RAP1GAP2: variants seen among roughly 807,000 people sequenced by gnomAD.
RAP1GAP2 encodes RAP1 GTPase activating protein 2, also known as rap1 GTPase-activating protein 2.
In RAP1GAP2, 27 loss-of-function variants were observed where a neutral mutation model predicts 95.0. That is an observed-to-expected ratio of 0.28 (90% CI 0.21 to 0.39). The LOEUF (loss-of-function observed/expected upper bound fraction) is 0.39, where lower values mean the gene tolerates loss of function less well. RAP1GAP2 is among the 10% of genes least tolerant of loss of function. The pLI is 1.00. For synonymous variants in RAP1GAP2, 373 were observed against 380.9 expected, an observed-to-expected ratio of 0.98 and a Z score of 0.24; for missense variants, 771 against 970.0, an observed-to-expected ratio of 0.79 and a Z score of 2.72.
intron 2 of RAP1GAP2, among the ~76,000 whole-genome samples, chr17:2,818,200 T>C (rs1398600117): frequency 6.6e-6 from 1 of 152,040 alleles, no homozygotes; most frequent in Non-Finnish European, 1.5e-5. Context: ...TAAAGTTAAG[T>C]TCCGGTCATC....
At chr17:2,818,037 T>C (rs1407018428) in intron 2 of RAP1GAP2, among the ~76,000 whole-genome samples, 3 of 151,732 alleles carry the variant, frequency 2.0e-5, no homozygotes, top group Non-Finnish European at 2.9e-5. Context: ...GGGGTTTCAC[T>C]GTGTTAGCCA....
At chr17:3,025,961 G>T (rs1341682107) in intron 19 of RAP1GAP2, 47 bp from the exon 20 acceptor site, 1 of 1,412,616 alleles carries the variant, frequency 7.1e-7, no homozygotes, top group Non-Finnish European at 1.0e-6. Context: ...TGGGGTGGGG[G>T]TTGAGGGCTG....
At position 3,003,234 on chromosome 17, in the gene RAP1GAP2, G is replaced by A. The variant is rs2046223576; in HGVS notation, c.1201-2135G>A. ...TCTTGGTCATTGAGCCATCAGAGCA[G>A]GCGAGAAATTGGCTCCACGGAGTCG... is the stretch of plus-strand genomic sequence containing the variant. On this transcript the variant is annotated intron_variant, in intron 14 of 24. Transcript: ENST00000254695. This position sits in a 1 kb window ranked among gnomAD's most constrained non-coding sequence, Gnocchi z 4.1. 6.6e-6 allele frequency among the ~76,000 whole-genome samples: 1 copy of A among 152,172 alleles called. No individual in the cohort carries two copies. The highest frequency in any genetic ancestry group is 2.1e-4 in the South Asian group (1 of 4,830).
intron 2 of RAP1GAP2, among the ~76,000 whole-genome samples, chr17:2,893,466 A>G (rs1241982566): frequency 6.6e-6 from 1 of 152,250 alleles, no homozygotes; most frequent in Non-Finnish European, 1.5e-5. Flanking sequence ...TCCTAAAGGA[A>G]GTGAGGGTAC....
intron 12 of RAP1GAP2, among the ~76,000 whole-genome samples, chr17:2,994,333 AAG>A (rs2151574927): frequency 6.6e-6 from 1 of 152,264 alleles, no homozygotes; most frequent in East Asian, 1.9e-4. Flanking sequence ...CATTTTCTTA[AAG>A]GAACCTGCAT....
intron 2 of RAP1GAP2, among the ~76,000 whole-genome samples, chr17:2,896,597 G>T (rs2041833133): frequency 1.3e-5 from 2 of 152,222 alleles, no homozygotes; most frequent in African/African-American, 4.8e-5. Context: ...CCAGGGTGAG[G>T]ATTTGCCCAT....
upstream of RAP1GAP2, among the ~76,000 whole-genome samples, chr17:2,792,139 C>G (rs2068941857): frequency 6.6e-6 from 1 of 152,110 alleles, no homozygotes; most frequent in Non-Finnish European, 1.5e-5. Context: ...GGATTACAGG[C>G]GTGAGACAGT....
At chr17:3,016,590 C>G (rs573467229) in intron 17 of RAP1GAP2, among the ~76,000 whole-genome samples, 3 of 152,348 alleles carry the variant, frequency 2.0e-5, no homozygotes, top group Non-Finnish European at 4.4e-5. Context: ...AGGCAGAGGC[C>G]ATGTCCTACA....
rs561298131 is a variant in RAP1GAP2 at position 2,963,572 on chromosome 17, G to A, written c.279+110G>A. On this transcript the variant is annotated intron_variant, in intron 6 of 24. Coordinates refer to ENST00000254695, the MANE Select transcript of RAP1GAP2 (RefSeq NM_015085.5). The surrounding 1 kb of genome is among the most constrained non-coding windows in gnomAD (Gnocchi z 4.8). ...CAGCCCCCCAGGGGAGAGAACCTTG[G>A]GCCTGGGACCTCTCTTCCTGTCTTT... 1.4e-6 allele frequency: 2 copies of A among 1,409,622 alleles called. No homozygotes were observed. Among genetic ancestry groups the A allele is most frequent in the East Asian group, 2.3e-5 (1 of 43,790 alleles). The allele number at this position is 1,409,622 out of a possible 1,614,324, so 87.3% of individuals were successfully genotyped here. A position where few individuals can be genotyped will look rare whatever the true frequency, so the allele number is the denominator to read the frequency against.
intron 3 of RAP1GAP2, among the ~76,000 whole-genome samples, chr17:2,951,070 A>G (rs976569709): frequency 1.3e-5 from 2 of 152,170 alleles, no homozygotes; most frequent in African/African-American, 4.8e-5. Context: ...ACCTAAACCT[A>G]AATCACTCTG....
Position 2,799,122 on chromosome 17 carries a change from C to A in RAP1GAP2, c.45-1393C>A, listed in dbSNP as rs143089778. Among the ~76,000 whole-genome samples the A allele has an allele frequency of 9.8e-5, 15 of 152,320 alleles. 1 individual carries two copies. The East Asian group carries it at 2.9e-3, about 29-fold the overall frequency. Reference sequence around the variant, plus strand: ...GCGCCTGCTGTGAGGGGCTGCCATCCGGCAGCTCTGGGTTGCACGCGTTAC... The same window carrying A: ...GCGCCTGCTGTGAGGGGCTGCCATCAGGCAGCTCTGGGTTGCACGCGTTAC... On this transcript the variant is annotated intron_variant, in intron 1 of 24. Coordinates refer to ENST00000254695, the MANE Select transcript of RAP1GAP2 (RefSeq NM_015085.5).
chr17:2,964,988 C>CTG (rs2044526995), intron 7 of RAP1GAP2: 1 of 154,658 alleles, frequency 6.5e-6, no homozygotes, highest in African/African-American at 2.4e-5. Flanking sequence ...GTCTGGGGAG[C>CTG]TGTGTTTTTC....
At chr17:2,912,307 G>T (rs12953097) in intron 3 of RAP1GAP2, among the ~76,000 whole-genome samples, 60,107 of 150,794 alleles carry the variant, frequency 0.4, 12,396 homozygotes, top group Non-Finnish European at 0.46. Context: ...GGGGTGGTGT[G>T]TGGGGGCTTC....
At chr17:2,877,746 A>C (rs1299537911) in intron 2 of RAP1GAP2, among the ~76,000 whole-genome samples, 2 of 152,170 alleles carry the variant, frequency 1.3e-5, no homozygotes, top group African/African-American at 4.8e-5. Context: ...GAATTAAATG[A>C]ATGCCTGAAA....
At chr17:2,814,954 T>A (rs2069940646) in intron 2 of RAP1GAP2, among the ~76,000 whole-genome samples, 1 of 152,082 alleles carries the variant, frequency 6.6e-6, no homozygotes, top group Non-Finnish European at 1.5e-5. Context: ...GGAACGGGAC[T>A]TGGGAGGGAC....
chr17:2,884,072 T>C (rs1319270207), intron 2 of RAP1GAP2, among the ~76,000 whole-genome samples: 1 of 152,186 alleles, frequency 6.6e-6, no homozygotes, highest in African/African-American at 2.4e-5. Context: ...GGGAATCTCT[T>C]GTTCAGCACT....
At position 2,764,891 on chromosome 17, in the gene RAP1GAP2, T is replaced by G. The variant is rs181485921; in HGVS notation, c.51-5438T>G. Reference sequence around the variant, plus strand: ...GCAACCAGGTTTACCAGTTCATCAGTGTTATCAGTTTCTCCCACAGAGATG... The same window carrying G: ...GCAACCAGGTTTACCAGTTCATCAGGGTTATCAGTTTCTCCCACAGAGATG... On this transcript the variant is annotated intron_variant, in intron 1 of 25. Transcript: ENST00000637138. Among the ~76,000 whole-genome samples, 5 of 152,112 alleles carry G rather than the reference T, an allele frequency of 3.3e-5. No individual in the cohort carries two copies. In the East Asian group the frequency reaches 9.7e-4, roughly 29 times the overall value.
chr17:3,005,141 T>C lies in RAP1GAP2; in HGVS notation c.1201-228T>C, dbSNP rs936467751. ...CCAGTCATCTTGCCAAACCTGCTTC[T>C]GGCCTCCAGGAATGCAGATGAGAGG... On this transcript the variant is annotated intron_variant, in intron 14 of 24. Coordinates refer to ENST00000254695, the MANE Select transcript of RAP1GAP2 (RefSeq NM_015085.5). The surrounding 1 kb of genome is among the most constrained non-coding windows in gnomAD (Gnocchi z 5.2). 6.6e-6 allele frequency among the ~76,000 whole-genome samples: 1 copy of C among 152,206 alleles called. No homozygotes were observed. Among genetic ancestry groups the C allele is most frequent in the Non-Finnish European group, 1.5e-5 (1 of 68,028 alleles).
chr17:2,841,427 C>T (rs924901222), intron 2 of RAP1GAP2, among the ~76,000 whole-genome samples: 1 of 151,316 alleles, frequency 6.6e-6, no homozygotes, highest in Admixed American at 6.6e-5. Context: ...CCTCAGCCTC[C>T]TGAGTAGCTG....
Sources: gnomAD v4.1 joint callset for allele counts (sites outside exome capture counted in the v4.1 genomes callset) on GRCh38, gnomAD v4.1.1 for gene constraint, Gnocchi (gnomAD v3.1) non-coding constraint, MANE v1.5 for transcripts, NCBI Gene and HGNC (gene_info 2026-07-23, HGNC 2026-07-21) for gene names.